The following PITPNM3 variants were observed in gnomAD, a reference collection of about 807,000 sequenced individuals.
The protein encoded by PITPNM3 is PITPNM family member 3.
A neutral mutation model predicts 102.0 loss-of-function variants in PITPNM3; 26 were observed. The ratio of observed to expected loss-of-function variants is 0.25; its 90% confidence interval spans 0.19 to 0.35. PITPNM3 has a LOEUF of 0.35. PITPNM3 is among the 10% of genes least tolerant of loss of function. PITPNM3 has a pLI of 1.00. For synonymous variants in PITPNM3, 578 were observed against 558.6 expected, an observed-to-expected ratio of 1.03 and a Z score of -0.49; for missense variants, 1,083 against 1,346.1, an observed-to-expected ratio of 0.80 and a Z score of 3.06.
chr17:6,468,194 C>T lies in PITPNM3; in HGVS notation c.1890+31G>A, dbSNP rs200204633. ...GCCCCACCTCCCGGAGGACACAGTC[C>T]CAGCCACATGCGAACTGAGCATGCA... On this transcript the variant is annotated intron_variant, in intron 14 of 19. Transcript: ENST00000262483. The surrounding 1 kb of genome is among the most constrained non-coding windows in gnomAD (Gnocchi z 5.2). The T allele has an allele frequency of 1.4e-5, 23 of 1,604,644 alleles. No homozygotes were observed. The Admixed American group carries it at 2.7e-4, about 19-fold the overall frequency.
chr17:6,542,460 C>T (rs2150670807), intron 1 of PITPNM3, among the ~76,000 whole-genome samples: 1 of 152,276 alleles, frequency 6.6e-6, no homozygotes, highest in South Asian at 2.1e-4. Flanking sequence ...CTCTCTCCCT[C>T]ACACACAAAG....
chr17:6,458,526 G>T lies in PITPNM3; in HGVS notation c.2491-804C>A, dbSNP rs1049015664. Among the ~76,000 whole-genome samples, 1 of 151,922 alleles carries T rather than the reference G, an allele frequency of 6.6e-6. No individual in the cohort carries two copies. The highest frequency in any genetic ancestry group is 2.4e-5 in the African/African-American group (1 of 41,310). On this transcript the variant is annotated intron_variant, in intron 18 of 19. Transcript: ENST00000262483. The surrounding 1 kb of genome is among the most constrained non-coding windows in gnomAD (Gnocchi z 5.1). ...CTGGCAGCTTCGCACCTTCTTTCAC[G>T]TCAGTGGCCGTCACTTCCAGGACCA...
At chr17:6,538,152 C>A (rs1009652608) in intron 1 of PITPNM3, 70 bp from the exon 2 acceptor site, 2 of 1,156,752 alleles carry the variant, frequency 1.7e-6, no homozygotes, top group African/African-American at 1.5e-5. Flanking sequence ...TGACCCAAGA[C>A]CCCCCTGGAC....
chr17:6,477,927 C>G (rs376040459), intron 8 of PITPNM3, 48 bp downstream of exon 8: 11 of 1,605,754 alleles, frequency 6.9e-6, no homozygotes, highest in Non-Finnish European at 8.5e-6. Context: ...GGGGCAGGCC[C>G]TGCTCCTATG....
At chr17:6,498,817 T>C (rs1359128041) in intron 4 of PITPNM3, among the ~76,000 whole-genome samples, 1 of 151,872 alleles carries the variant, frequency 6.6e-6, no homozygotes, top group Non-Finnish European at 1.5e-5. Context: ...TGAGGTTCAA[T>C]GGAAACATAC....
At chr17:6,501,858 C>T (rs1443277456) in intron 4 of PITPNM3, among the ~76,000 whole-genome samples, 1 of 152,164 alleles carries the variant, frequency 6.6e-6, no homozygotes, top group Non-Finnish European at 1.5e-5. Flanking sequence ...GTGGAATGGC[C>T]CCATCTCTCA....
chr17:6,509,355 C>T (rs1041672942), intron 3 of PITPNM3, among the ~76,000 whole-genome samples: 7 of 152,320 alleles, frequency 4.6e-5, no homozygotes, highest in African/African-American at 1.4e-4. Context: ...GGAGAGCCTT[C>T]CTGCATCACA....
chr17:6,549,458 C>G (rs542196768), intron 1 of PITPNM3, among the ~76,000 whole-genome samples: 1 of 152,204 alleles, frequency 6.6e-6, no homozygotes, highest in Non-Finnish European at 1.5e-5. Flanking sequence ...TGTGGGGCCC[C>G]AGTGCTGGGA....
Position 6,469,345 on chromosome 17 carries a change from G to C in PITPNM3, c.1773+915C>G, listed in dbSNP as rs909097251. On this transcript the variant is annotated intron_variant, in intron 13 of 19. Coordinates refer to ENST00000262483, the MANE Select transcript of PITPNM3 (RefSeq NM_031220.4). This position sits in a 1 kb window ranked among gnomAD's most constrained non-coding sequence, Gnocchi z 4.0. ...GATGTGCCACGTGGGGCACAGGTTTGGGCTGGAGCACCCTGGCCTGGGTGC... is the reference window on the plus strand; with the variant it reads ...GATGTGCCACGTGGGGCACAGGTTTCGGCTGGAGCACCCTGGCCTGGGTGC... 2.6e-5 allele frequency among the ~76,000 whole-genome samples: 4 copies of C among 151,992 alleles called. No homozygotes were observed. The highest frequency in any genetic ancestry group is 2.6e-4 in the Admixed American group (4 of 15,268).
At chr17:6,548,026 C>G (rs1191545590) in intron 1 of PITPNM3, among the ~76,000 whole-genome samples, 1 of 152,210 alleles carries the variant, frequency 6.6e-6, no homozygotes, top group African/African-American at 2.4e-5. Context: ...CCACGCCTGG[C>G]TGGGGTCTCT....
chr17:6,551,728 T>TA (rs140418410), intron 1 of PITPNM3, among the ~76,000 whole-genome samples: 5 of 151,320 alleles, frequency 3.3e-5, no homozygotes, highest in South Asian at 4.2e-4. Context: ...AAAAAAGTAT[T>TA]AAAAAAATTT....
At chr17:6,529,359 C>A (rs533761473) in intron 2 of PITPNM3, among the ~76,000 whole-genome samples, 32 of 152,252 alleles carry the variant, frequency 2.1e-4, no homozygotes, top group Admixed American at 7.9e-4. Flanking sequence ...CTTTGTGAGG[C>A]TGAGGCGGGC....
intron 2 of PITPNM3, among the ~76,000 whole-genome samples, chr17:6,533,026 G>A (rs987440155): frequency 6.6e-6 from 1 of 152,062 alleles, no homozygotes; most frequent in African/African-American, 2.4e-5. Context: ...ACAATGGCGC[G>A]ATCTCAGCTC....
In PITPNM3 at chr17:6,478,108, T is replaced by G. The variant is rs1282423823; in HGVS notation, c.778-11A>C. Reference sequence around the variant, plus strand: ...CCCGATGAGACACACCTGGAAGAGATGCAGCTGGGACTGCAGGCCTGCCCA... The same window carrying G: ...CCCGATGAGACACACCTGGAAGAGAGGCAGCTGGGACTGCAGGCCTGCCCA... On this transcript the variant is annotated splice_polypyrimidine_tract_variant and intron_variant, in intron 7 of 19. Transcript: ENST00000262483. The surrounding 1 kb of genome is among the most constrained non-coding windows in gnomAD (Gnocchi z 4.4). 1 of 1,612,848 alleles carries G rather than the reference T, an allele frequency of 6.2e-7. No individual in the cohort carries two copies. Among genetic ancestry groups the G allele is most frequent in the Non-Finnish European group, 8.5e-7 (1 of 1,180,044 alleles).
chr17:6,518,560 A>G (rs1362143485), intron 3 of PITPNM3, among the ~76,000 whole-genome samples: 1 of 152,368 alleles, frequency 6.6e-6, no homozygotes, highest in East Asian at 1.9e-4. Flanking sequence ...ATAGAAAAGC[A>G]CAAATCACAT....
At chr17:6,498,406 A>T (rs934385832) in intron 4 of PITPNM3, among the ~76,000 whole-genome samples, 2 of 152,222 alleles carry the variant, frequency 1.3e-5, no homozygotes, top group Non-Finnish European at 2.9e-5. Flanking sequence ...GGTTGTATGG[A>T]GGCAAGGTTC....
At position 6,470,278 on chromosome 17, in the gene PITPNM3, C is replaced by T; in HGVS notation, c.1755G>A (p.Val585=). The change falls in exon 13 of 20, where the codon GTG becomes GTA. Residue 585 remains valine, a synonymous_variant. Transcript: ENST00000262483. The surrounding 1 kb of genome is among the most constrained non-coding windows in gnomAD (Gnocchi z 4.8). ...GCAGTACCTGTCTCAGGATGAAGGC[C>T]ACCACGTCTGTGGACTCCCAGTAAC... ...HASYWESTDV[V]AFILRQVMRY... 6.2e-7 allele frequency: 1 copy of T among 1,610,680 alleles called. No individual in the cohort carries two copies. The highest frequency in any genetic ancestry group is 8.5e-7 in the Non-Finnish European group (1 of 1,178,550).
At chr17:6,480,354 G>A (rs7208709) in intron 6 of PITPNM3, 28,202 of 152,254 alleles carry the variant, frequency 0.19, 2,716 homozygotes, top group Non-Finnish European at 0.19. Context: ...CCCAGGGAAG[G>A]GAAGGGGCTT....
chr17:6,546,237 C>T (rs1416434582), intron 1 of PITPNM3, among the ~76,000 whole-genome samples: 4 of 152,236 alleles, frequency 2.6e-5, no homozygotes, highest in Admixed American at 1.3e-4. Context: ...CACCGATGAG[C>T]TCATGTGCTC....
Sources: allele counts gnomAD v4.1 joint callset (sites outside exome capture counted in the v4.1 genomes callset), GRCh38; gene constraint gnomAD v4.1.1; non-coding constraint Gnocchi (gnomAD v3.1); transcripts MANE v1.5; gene names NCBI Gene and HGNC (gene_info 2026-07-23, HGNC 2026-07-21).